MPPED2: variants seen among roughly 807,000 people sequenced by gnomAD.
The protein encoded by MPPED2 is metallophosphoesterase domain containing 2.
In MPPED2, 5 loss-of-function variants were observed where a neutral mutation model predicts 33.0. The ratio of observed to expected loss-of-function variants is 0.15; its 90% CI spans 0.08 to 0.32. The LOEUF is 0.32. Ranked by LOEUF, MPPED2 falls within the 10% of genes least tolerant of loss-of-function variation. The pLI is 1.00. For synonymous variants in MPPED2, 136 were observed against 141.9 expected (o/e 0.96, Z 0.29); for missense variants, 275 against 372.1 (o/e 0.74, Z 2.15).
At chr11:30,428,413 A>T (rs952830368) in intron 4 of MPPED2, among the ~76,000 whole-genome samples, 2 of 152,146 alleles carry the variant, frequency 1.3e-5, no homozygotes, top group Non-Finnish European at 2.9e-5. Flanking sequence ...GTGGCTCATG[A>T]TTGTAGTCCC....
At chr11:30,437,924 G>A (rs1028575957) in intron 4 of MPPED2, among the ~76,000 whole-genome samples, 1 of 152,098 alleles carries the variant, frequency 6.6e-6, no homozygotes, top group African/African-American at 2.4e-5. Context: ...AGACTCTGGA[G>A]CCAGACAATT....
At chr11:30,465,384 C>T (rs1301878140) in intron 4 of MPPED2, among the ~76,000 whole-genome samples, 3 of 152,188 alleles carry the variant, frequency 2.0e-5, no homozygotes, top group African/African-American at 7.2e-5. Flanking sequence ...GCCTCCCTGG[C>T]TCAAGCAACC....
intron 2 of MPPED2, among the ~76,000 whole-genome samples, chr11:30,575,266 G>A (rs891670396): frequency 2.0e-5 from 3 of 152,094 alleles, no homozygotes; most frequent in Admixed American, 2.0e-4. Flanking sequence ...AAGTAGTTTA[G>A]AAAGGAAAAT....
At chr11:30,474,725 T>C (rs1951102513) in intron 4 of MPPED2, among the ~76,000 whole-genome samples, 1 of 151,880 alleles carries the variant, frequency 6.6e-6, no homozygotes, top group African/African-American at 2.4e-5. Context: ...AAATAAGAAG[T>C]GAATTCCAAT....
At chr11:30,474,531 T>A (rs1951093484) in intron 4 of MPPED2, among the ~76,000 whole-genome samples, 1 of 152,156 alleles carries the variant, frequency 6.6e-6, no homozygotes, top group Non-Finnish European at 1.5e-5. Context: ...CACATGACTA[T>A]ACCTTGCCAA....
chr11:30,455,645 T>C (rs546557509), intron 4 of MPPED2, among the ~76,000 whole-genome samples: 3 of 152,346 alleles, frequency 2.0e-5, no homozygotes, highest in South Asian at 2.1e-4. Context: ...CCTCCCCATA[T>C]GGGATGGTAG....
chr11:30,466,165 GGTATTATTATTT>G (rs1950699979), intron 4 of MPPED2, among the ~76,000 whole-genome samples: 1 of 152,088 alleles, frequency 6.6e-6, no homozygotes, highest in African/African-American at 2.4e-5. Context: ...AAAAATGAAA[GGTATTATTATTT>G]GTTCCTGTGG....
rs1952067623 is a variant in MPPED2 at position 30,493,215 on chromosome 11, C to A, written c.536+2081G>T. On this transcript the variant is annotated intron_variant, in intron 4 of 6. Transcript: ENST00000358117. ...TGAAACCCCGTCTCTACTAAAAATA[C>A]AAAAAATTAGCCGGGCGCAGTGGCG... Among the ~76,000 whole-genome samples the A allele has an allele frequency of 1.3e-5, 2 of 151,806 alleles. 1 individual carries two copies. Among genetic ancestry groups the A allele is most frequent in the South Asian group, 4.2e-4 (2 of 4,812 alleles).
At position 30,583,134 on chromosome 11, in the gene MPPED2, C is replaced by CTT. The variant is rs199611856; in HGVS notation, c.-121-2642_-121-2641dup. The stretch of plus-strand genomic sequence containing the variant: ...CACAAACACCTGGAAAAGACTTTTT[C>CTT]TTTTTTTTTTTTTTTTTTTTTTTTT... On this transcript the variant is annotated intron_variant, in intron 1 of 6. Coordinates refer to ENST00000358117, the MANE Select transcript of MPPED2 (RefSeq NM_001584.3). 5.4e-3 allele frequency among the ~76,000 whole-genome samples: 525 copies of CTT among 96,578 alleles called. 24 individuals are homozygous for CTT. The highest frequency in any genetic ancestry group is 0.01 in the African/African-American group (216 of 20,648). 63.4% of individuals were successfully genotyped at this position (96,578 alleles called of 152,430 possible).
intron 3 of MPPED2, among the ~76,000 whole-genome samples, chr11:30,530,709 T>A (rs1465854429): frequency 6.6e-6 from 1 of 152,148 alleles, no homozygotes; most frequent in Non-Finnish European, 1.5e-5. Context: ...AACGATGAGA[T>A]CTTCTAATGC....
intron 4 of MPPED2, among the ~76,000 whole-genome samples, chr11:30,476,108 T>G (rs965473153): frequency 6.6e-6 from 1 of 152,084 alleles, no homozygotes; most frequent in South Asian, 2.1e-4. Context: ...TTTTTATTAG[T>G]GGGTTGTAAG....
At chr11:30,571,310 T>C (rs1956679920) in intron 2 of MPPED2, among the ~76,000 whole-genome samples, 1 of 152,042 alleles carries the variant, frequency 6.6e-6, no homozygotes, top group Admixed American at 6.5e-5. Flanking sequence ...TTTGCATATA[T>C]TTTGTCCCTT....
exon 7 of MPPED2, chr11:30,388,387 G>C (rs532536078): frequency 2.0e-5 from 3 of 152,792 alleles, no homozygotes; most frequent in Admixed American, 6.5e-5. Flanking sequence ...GGGGCCAGCC[G>C]CTCTCCCACA....
intron 4 of MPPED2, among the ~76,000 whole-genome samples, chr11:30,464,964 C>T (rs1045177976): frequency 2.6e-5 from 4 of 152,156 alleles, no homozygotes; most frequent in African/African-American, 9.7e-5. Flanking sequence ...ATTTCTACTA[C>T]TCACTAGCTA....
At chr11:30,541,123 A>C (rs1307584166) in intron 2 of MPPED2, among the ~76,000 whole-genome samples, 2 of 152,188 alleles carry the variant, frequency 1.3e-5, no homozygotes, top group Admixed American at 1.3e-4. Flanking sequence ...TATCATCTTA[A>C]ACCATTTTCC....
At chr11:30,407,898 A>C (rs1318097913), downstream of MPPED2, among the ~76,000 whole-genome samples, 1 of 152,040 alleles carries the variant, frequency 6.6e-6, no homozygotes, top group Non-Finnish European at 1.5e-5. Context: ...TAAATAAATA[A>C]ATAAGTAAAT....
At chr11:30,442,195 G>A (rs994278776) in intron 4 of MPPED2, among the ~76,000 whole-genome samples, 7 of 152,204 alleles carry the variant, frequency 4.6e-5, no homozygotes, top group South Asian at 2.1e-4. Flanking sequence ...CTGAAACTCC[G>A]GAAGGAGAAA....
intron 4 of MPPED2, among the ~76,000 whole-genome samples, chr11:30,493,188 G>C (rs932534885): frequency 2.0e-5 from 3 of 151,878 alleles, no homozygotes; most frequent in African/African-American, 4.8e-5. Flanking sequence ...TCGAGACCAC[G>C]GTGAAACCCC....
chr11:30,488,735 A>G (rs901103960), intron 4 of MPPED2, among the ~76,000 whole-genome samples: 7 of 152,232 alleles, frequency 4.6e-5, no homozygotes, highest in African/African-American at 1.7e-4. Context: ...CTGTAACTCT[A>G]GACTAGGGCA....
Sources: allele counts gnomAD v4.1 joint callset (sites outside exome capture counted in the v4.1 genomes callset), GRCh38; gene constraint gnomAD v4.1.1; transcripts MANE v1.5; gene names NCBI Gene and HGNC (gene_info 2026-07-23, HGNC 2026-07-21).